OSBPL8: variants seen among roughly 807,000 people sequenced by gnomAD.
OSBPL8 encodes the protein oxysterol binding protein like 8, also known as oxysterol-binding protein-related protein 8.
A neutral mutation model predicts 125.5 loss-of-function variants in OSBPL8; 59 were observed. That is an observed-to-expected ratio of 0.47 (90% confidence interval 0.38 to 0.58). The LOEUF is 0.58. Among genes scored for constraint, OSBPL8 ranks in the 20% least tolerant of loss-of-function variants. OSBPL8 has a pLI of 0.00. For synonymous variants in OSBPL8, 330 were observed against 338.9 expected (o/e 0.97, Z 0.29); for missense variants, 758 against 1,047.8 (o/e 0.72, Z 3.82).
At chr12:76,528,853 C>G (rs1950255912) in intron 1 of OSBPL8, among the ~76,000 whole-genome samples, 1 of 151,342 alleles carries the variant, frequency 6.6e-6, no homozygotes, top group Admixed American at 6.6e-5. Context: ...GACCCTGTCT[C>G]AAAAAAATAA....
chr12:76,440,985 A>G (rs923188713), intron 4 of OSBPL8, among the ~76,000 whole-genome samples: 3 of 152,174 alleles, frequency 2.0e-5, no homozygotes, highest in African/African-American at 7.2e-5. Context: ...TGATGTTCTT[A>G]CTAGAAGGAT....
chr12:76,470,413 G>T (rs1875992532), intron 2 of OSBPL8, among the ~76,000 whole-genome samples: 1 of 152,112 alleles, frequency 6.6e-6, no homozygotes, highest in African/African-American at 2.4e-5. Flanking sequence ...GGTGATATGA[G>T]AACTGGTTAT....
At chr12:76,374,195 A>T (rs946646496) in intron 17 of OSBPL8, among the ~76,000 whole-genome samples, 3 of 152,182 alleles carry the variant, frequency 2.0e-5, no homozygotes, top group African/African-American at 7.2e-5. Context: ...AGTTTACAGA[A>T]ATATTTTTAT....
chr12:76,528,077 C>G (rs905397479), intron 1 of OSBPL8, among the ~76,000 whole-genome samples: 1 of 152,108 alleles, frequency 6.6e-6, no homozygotes, highest in Non-Finnish European at 1.5e-5. Flanking sequence ...AATCCCAGCA[C>G]TTTGGGAAGC....
chr12:76,553,701 G>T (rs1364977849), intron 1 of OSBPL8, among the ~76,000 whole-genome samples: 2 of 149,450 alleles, frequency 1.3e-5, no homozygotes, highest in Non-Finnish European at 3.0e-5. Flanking sequence ...AAAGGCCAGA[G>T]GAGGTAGCTC....
At position 76,378,551 on chromosome 12, in the gene OSBPL8, C is replaced by T; in HGVS notation, c.1631-1G>A. 6.4e-7 allele frequency: 1 copy of T among 1,572,572 alleles called. No homozygotes were observed. ...TCTAATATTGCAGATAATGAGTTTC[C>T]TGAAATAAAATGTTGTTTATTAAAT... On this transcript the variant is annotated splice_acceptor_variant, in intron 15 of 23. Transcript: ENST00000261183. LOFTEE classifies it high-confidence loss of function.
chr12:76,381,459 G>C (rs1472769053), intron 15 of OSBPL8, among the ~76,000 whole-genome samples: 1 of 152,100 alleles, frequency 6.6e-6, no homozygotes, highest in African/African-American at 2.4e-5. Flanking sequence ...GTGGTAATTT[G>C]TGTCTCTTAA....
intron 2 of OSBPL8, among the ~76,000 whole-genome samples, chr12:76,460,869 A>C (rs1036966009): frequency 2.6e-5 from 4 of 152,214 alleles, no homozygotes; most frequent in African/African-American, 9.7e-5. Flanking sequence ...GTTGGTCTTA[A>C]AGAGACCTGA....
Position 76,487,520 on chromosome 12 carries a change from T to G in OSBPL8, c.32A>C (p.Asp11Ala). MEGGLADGEP[D>A]RTSLLGDSKD... ...ATATGAACTACTCACCGAAGTTCGA[T>G]CAGGTTCTCCATCTGCCAAACCTCC... Residue 11 changes from aspartate to alanine, a missense_variant, in exon 2 of 24, where the codon GAT becomes GCT. Around this residue, in one of 3 missense-constraint regions of OSBPL8, gnomAD observed 117 missense variants for 137.1 expected, o/e 0.85. Coordinates refer to ENST00000261183, the MANE Select transcript of OSBPL8 (RefSeq NM_020841.5). 1 of 1,605,232 alleles carries G rather than the reference T, an allele frequency of 6.2e-7. No homozygotes were observed. Among genetic ancestry groups the G allele is most frequent in the Non-Finnish European group, 8.5e-7 (1 of 1,176,396 alleles).
chr12:76,377,219 A>G (rs1952856543), intron 16 of OSBPL8, among the ~76,000 whole-genome samples: 2 of 152,204 alleles, frequency 1.3e-5, no homozygotes, highest in Non-Finnish European at 2.9e-5. Flanking sequence ...TATTGTGAAT[A>G]GTGCTGCAAT....
chr12:76,481,192 C>T (rs1453529711), intron 2 of OSBPL8, among the ~76,000 whole-genome samples: 1 of 152,194 alleles, frequency 6.6e-6, no homozygotes, highest in African/African-American at 2.4e-5. Flanking sequence ...ACTTCCAGAA[C>T]TGCTAAGAGA....
chr12:76,413,890 T>C (rs1196466434), intron 4 of OSBPL8, among the ~76,000 whole-genome samples: 1 of 152,204 alleles, frequency 6.6e-6, no homozygotes, highest in Non-Finnish European at 1.5e-5. Context: ...CTGTGGCTTT[T>C]TACAGGCTAT....
At chr12:76,495,076 T>G (rs1034020246) in intron 1 of OSBPL8, among the ~76,000 whole-genome samples, 1 of 152,204 alleles carries the variant, frequency 6.6e-6, no homozygotes, top group Non-Finnish European at 1.5e-5. Flanking sequence ...GCCTTCTCTC[T>G]ATTCCAAACT....
chr12:76,389,667 A>G lies in OSBPL8; in HGVS notation c.1330T>C (p.Tyr444His). 6.3e-7 allele frequency: 1 copy of G among 1,591,848 alleles called. No individual in the cohort carries two copies. Among genetic ancestry groups the G allele is most frequent in the Non-Finnish European group, 8.6e-7 (1 of 1,169,262 alleles). ...TACTCAGATAGGAAATCTGCATGAT[A>G]GTAGTAATCTGAAAGTTTATCCAGG... is the stretch of plus-strand genomic sequence containing the variant. ...SFLDKLSDYY[Y>H]HADFLSEAAL... is the part of the protein sequence containing the mutation. Residue 444 changes from tyrosine to histidine, a missense_variant, in exon 12 of 24, where the codon TAT becomes CAT. Tyr to His is a moderately conservative substitution (Grantham distance 83, BLOSUM62 2). This residue lies in a region of OSBPL8 where 572 missense variants were observed against 762.0 expected (regional missense o/e 0.75). Coordinates refer to ENST00000261183, the MANE Select transcript of OSBPL8 (RefSeq NM_020841.5).
At chr12:76,448,208 G>A (rs1483087904) in intron 4 of OSBPL8, among the ~76,000 whole-genome samples, 1 of 151,968 alleles carries the variant, frequency 6.6e-6, no homozygotes, top group Non-Finnish European at 1.5e-5. Flanking sequence ...CAAAACAAAA[G>A]GTTAATAACT....
chr12:76,447,484 G>A (rs11836820), intron 4 of OSBPL8, among the ~76,000 whole-genome samples: 31,510 of 151,928 alleles, frequency 0.21, 3,524 homozygotes, highest in Non-Finnish European at 0.27. Flanking sequence ...AAGTAATACC[G>A]CAAAGATGTA....
intron 1 of OSBPL8, among the ~76,000 whole-genome samples, chr12:76,516,517 C>G (rs762991569): frequency 2.0e-5 from 3 of 152,002 alleles, no homozygotes; most frequent in Non-Finnish European, 4.4e-5. Flanking sequence ...AGCGTATGAC[C>G]CTAGAAGGGT....
chr12:76,367,678 C>T (rs1278648082), intron 21 of OSBPL8, among the ~76,000 whole-genome samples: 1 of 152,006 alleles, frequency 6.6e-6, no homozygotes, highest in Non-Finnish European at 1.5e-5. Context: ...CCTGTGTAAA[C>T]TGTTTCAATT....
intron 1 of OSBPL8, among the ~76,000 whole-genome samples, chr12:76,507,401 T>C (rs1369988384): frequency 2.6e-5 from 4 of 151,754 alleles, no homozygotes; most frequent in African/African-American, 9.7e-5. Flanking sequence ...TATTCAGTAA[T>C]GAATAGTGGC....
Sources: allele counts gnomAD v4.1 joint callset (sites outside exome capture counted in the v4.1 genomes callset), GRCh38; gene constraint gnomAD v4.1.1; regional missense constraint gnomAD v4.1.1; transcripts MANE v1.5; gene names NCBI Gene and HGNC (gene_info 2026-07-23, HGNC 2026-07-21).